The following USP34 variants were observed in gnomAD, a reference collection of about 807,000 sequenced individuals.
USP34 encodes the protein ubiquitin specific peptidase 34.
A neutral mutation model predicts 460.3 loss-of-function variants in USP34; 70 were observed. The ratio of observed to expected loss-of-function variants is 0.15; its 90% CI spans 0.13 to 0.19. The LOEUF is 0.19. Ranked by LOEUF, USP34 falls within the 10% of genes least tolerant of loss-of-function variation. The pLI, the probability that USP34 is intolerant of heterozygous loss-of-function variation, is 1.00. For synonymous variants in USP34, 1,647 were observed against 1,405.3 expected (o/e 1.17, Z -3.85); for missense variants, 3,985 against 4,236.2 (o/e 0.94, Z 1.65).
chr2:61,221,255 T>C (rs1303469398), intron 66 of USP34, among the ~76,000 whole-genome samples: 1 of 152,174 alleles, frequency 6.6e-6, no homozygotes, highest in Non-Finnish European at 1.5e-5. Context: ...GACTTCTAGT[T>C]GCTTTATGGA....
Position 61,301,084 on chromosome 2 carries a change from G to T in USP34, c.3995C>A (p.Pro1332Gln). The change falls in exon 29 of 80, where the codon CCA becomes CAA. Residue 1332 changes from proline (P) to glutamine (Q), a missense_variant. Physicochemically the swap from Pro to Gln is moderately conservative, Grantham distance 76. Around this residue, in one of 14 missense-constraint regions of USP34, gnomAD observed 1,114 missense variants for 1,122.5 expected, o/e 0.99. Transcript: ENST00000398571. ...EGVQLPASCL[P>Q]PPQKDNIPML... Reference sequence around the variant, plus strand: ...TGGAATGTTGTCCTTCTGAGGGGGTGGGAGGCAAGATGCTGGCAGCTGAAC... The same window carrying T: ...TGGAATGTTGTCCTTCTGAGGGGGTTGGAGGCAAGATGCTGGCAGCTGAAC... 6.2e-7 allele frequency: 1 copy of T among 1,614,046 alleles called. No individual in the cohort carries two copies. The highest frequency in any genetic ancestry group is 2.2e-5 in the East Asian group (1 of 44,860).
chr2:61,340,392 ATTTCC>A (rs1472909274), intron 16 of USP34, among the ~76,000 whole-genome samples: 1 of 152,144 alleles, frequency 6.6e-6, no homozygotes, highest in African/African-American at 2.4e-5. Flanking sequence ...GTTTTGCATC[ATTTCC>A]TTTCCTTTCT....
chr2:61,397,494 G>A (rs1176047977), intron 3 of USP34, among the ~76,000 whole-genome samples: 2 of 151,602 alleles, frequency 1.3e-5, no homozygotes, highest in Admixed American at 6.6e-5. Context: ...GGCCAGGCCC[G>A]GTGGCTCACA....
At chr2:61,453,274 T>C (rs1352462063) in intron 1 of USP34, among the ~76,000 whole-genome samples, 2 of 151,244 alleles carry the variant, frequency 1.3e-5, no homozygotes, top group Admixed American at 1.3e-4. Context: ...ATTAGCCAAG[T>C]GTGGTGGCCT....
chr2:61,340,966 G>C (rs747376688), intron 16 of USP34, among the ~76,000 whole-genome samples: 1 of 151,166 alleles, frequency 6.6e-6, no homozygotes, highest in African/African-American at 2.4e-5. Flanking sequence ...TATCACCCTA[G>C]GAAGTTCCCT....
At chr2:61,265,641 C>A (rs2103917991) in intron 42 of USP34, 84 bp from the exon 43 acceptor site, 1 of 1,335,176 alleles carries the variant, frequency 7.5e-7, no homozygotes, top group African/African-American at 1.5e-5. Flanking sequence ...CAGCCTCTAC[C>A]TCCATTAGTT....
Position 61,314,946 on chromosome 2 carries a change from A to G in USP34, c.3311T>C (p.Ile1104Thr). Residue 1104 changes from isoleucine (I) to threonine (T), a missense_variant, in exon 24 of 80, where the codon ATT becomes ACT. By Grantham distance (89) the Ile-to-Thr change is moderately conservative. This residue lies in a region of USP34 where 1,114 missense variants were observed against 1,122.5 expected (regional missense o/e 0.99). Transcript: ENST00000398571. ...ATCACCAGATTGTGCTCTTAAAGCA[A>G]TGCCCCAAAATTGGTCCATACCACA... ...ELCGMDQFWG[I>T]ALRAQSGDVS... The G allele has an allele frequency of 6.2e-7, 1 of 1,613,822 alleles. No individual in the cohort carries two copies. Among genetic ancestry groups the G allele is most frequent in the Non-Finnish European group, 8.5e-7 (1 of 1,179,874 alleles).
chr2:61,422,264 C>T (rs1694385204), intron 1 of USP34, among the ~76,000 whole-genome samples: 1 of 152,200 alleles, frequency 6.6e-6, no homozygotes, highest in Non-Finnish European at 1.5e-5. Context: ...TTTCCTTCCC[C>T]AGCCATAACA....
At position 61,262,881 on chromosome 2, in the gene USP34, T is replaced by C. The variant is rs535915679; in HGVS notation, c.5778+2516A>G. Reference sequence around the variant, plus strand: ...ACTTTTTATTAACAGCTATTCTGACTGGTTTGAGATGTTATCTCACTGTGG... The same window carrying C: ...ACTTTTTATTAACAGCTATTCTGACCGGTTTGAGATGTTATCTCACTGTGG... On this transcript the variant is annotated intron_variant, in intron 43 of 79. Transcript: ENST00000398571. Among the ~76,000 whole-genome samples, 7 of 152,374 alleles carry C rather than the reference T, an allele frequency of 4.6e-5. No individual in the cohort carries two copies. In the East Asian group the frequency reaches 1.3e-3, roughly 29 times the overall value.
chr2:61,351,065 A>C (rs114212065), intron 10 of USP34, among the ~76,000 whole-genome samples: 1,655 of 152,308 alleles, frequency 0.011, 39 homozygotes, highest in African/African-American at 0.037. Context: ...TCTGTAAAAA[A>C]TACATTTTAA....
intron 1 of USP34, 110 bp downstream of exon 1, chr2:61,470,540 G>T: frequency 1.6e-6 from 1 of 628,376 alleles, no homozygotes; most frequent in South Asian, 1.9e-5. Flanking sequence ...CCCGCACGCC[G>T]CCCGGCCCGG....
Position 61,348,426 on chromosome 2 carries a change from T to C in USP34, c.1729A>G (p.Ser577Gly). The C allele has an allele frequency of 6.2e-7, 1 of 1,613,770 alleles. No homozygotes were observed. The highest frequency in any genetic ancestry group is 8.5e-7 in the Non-Finnish European group (1 of 1,180,028). ...ETANSGEDGSSGPGSSSGHSD... is the reference protein window; with the variant it reads ...ETANSGEDGSGGPGSSSGHSD... ...TGCCCACTACTGCTACCAGGACCAC[T>C]GCTTCCATCTTCACCACTGTTGGCA... Residue 577 changes from serine to glycine, a missense_variant, in exon 15 of 80, where the codon AGT becomes GGT. Transcript: ENST00000398571.
At chr2:61,241,719 T>G (rs372006766) in intron 52 of USP34, 47 bp downstream of exon 52, 1 of 1,506,326 alleles carries the variant, frequency 6.6e-7, no homozygotes, top group Non-Finnish European at 9.0e-7. Context: ...AAGTAGACAA[T>G]GCAGAAGAAA....
intron 53 of USP34, among the ~76,000 whole-genome samples, chr2:61,240,215 G>A (rs1045182670): frequency 1.4e-5 from 2 of 147,058 alleles, no homozygotes; most frequent in Non-Finnish European, 1.5e-5. Flanking sequence ...ACTCAATAAT[G>A]TACTATTACT....
chr2:61,438,283 C>CA (rs1694871997), intron 1 of USP34, among the ~76,000 whole-genome samples: 1 of 152,022 alleles, frequency 6.6e-6, no homozygotes, highest in Admixed American at 6.6e-5. Context: ...TCGGAAAAAG[C>CA]ATTTGATAAA....
At chr2:61,309,177 A>G (rs1690509654) in intron 27 of USP34, among the ~76,000 whole-genome samples, 1 of 152,242 alleles carries the variant, frequency 6.6e-6, no homozygotes, top group African/African-American at 2.4e-5. Context: ...TTTCCAACTT[A>G]GAATTCTTTA....
intron 27 of USP34, among the ~76,000 whole-genome samples, chr2:61,310,019 G>T (rs1033326860): frequency 1.3e-5 from 2 of 152,044 alleles, no homozygotes; most frequent in African/African-American, 4.8e-5. Context: ...ATACATGGAG[G>T]TAAGACTATA....
chr2:61,299,555 C>A (rs778684646), intron 29 of USP34, among the ~76,000 whole-genome samples: 9 of 151,950 alleles, frequency 5.9e-5, no homozygotes, highest in Non-Finnish European at 1.0e-4. Context: ...GAGTTTGAAA[C>A]CAACCTGGGC....
chr2:61,312,082 G>A (rs192022058), intron 25 of USP34, among the ~76,000 whole-genome samples, 172 bp from the exon 26 acceptor site: 3 of 151,944 alleles, frequency 2.0e-5, no homozygotes, highest in East Asian at 3.9e-4. Flanking sequence ...TGAATCAAAC[G>A]TAACTGCATA....
Sources: gnomAD v4.1 joint callset for allele counts (sites outside exome capture counted in the v4.1 genomes callset) on GRCh38, gnomAD v4.1.1 for gene constraint, gnomAD v4.1.1 regional missense constraint, MANE v1.5 for transcripts, NCBI Gene and HGNC (gene_info 2026-07-23, HGNC 2026-07-21) for gene names.